PTPRM: variants seen among roughly 807,000 people sequenced by gnomAD.
PTPRM encodes the protein receptor-type tyrosine-protein phosphatase mu.
In PTPRM, 47 loss-of-function variants were observed where a neutral mutation model predicts 186.7. The observed-to-expected ratio is 0.25, with a 90% CI of 0.20 to 0.32. The LOEUF is 0.32. Among genes scored for constraint, PTPRM ranks in the 10% least tolerant of loss-of-function variants. The pLI is 1.00. For missense variants in PTPRM, 1,494 were observed against 1,865.0 expected (o/e 0.80, Z 3.66); for synonymous variants, 668 against 674.9 (o/e 0.99, Z 0.16).
chr18:8,127,459 A>G (rs1334561829), intron 13 of PTPRM, among the ~76,000 whole-genome samples: 1 of 148,442 alleles, frequency 6.7e-6, no homozygotes, highest in African/African-American at 2.5e-5. Flanking sequence ...TATTTGTAAA[A>G]GATAAAATTC....
chr18:8,023,865 C>CGT (rs2085387538), intron 7 of PTPRM, among the ~76,000 whole-genome samples: 1 of 145,220 alleles, frequency 6.9e-6, no homozygotes, highest in African/African-American at 2.5e-5. Context: ...CACACACACA[C>CGT]ACACACGCAC....
chr18:7,681,495 G>A lies in PTPRM; in HGVS notation c.74-92654G>A, dbSNP rs555231647. On this transcript the variant is annotated intron_variant, in intron 1 of 32. Transcript: ENST00000580170. ...GGCCATCAAGTTCTCTCCTCATGAT[G>A]ATGTTTTTAGCATCAGTTCGTTGAT... Among the ~76,000 whole-genome samples the A allele has an allele frequency of 3.3e-4, 50 of 151,872 alleles. 1 individual carries two copies. The highest frequency in any genetic ancestry group is 1.0e-3 in the Admixed American group (16 of 15,270).
rs1285423674 is a variant in PTPRM at position 7,842,910 on chromosome 18, A to ATGTGTGTGTGTG, written c.197-45186_197-45175dup. On this transcript the variant is annotated intron_variant, in intron 2 of 32. Coordinates refer to ENST00000580170, the MANE Select transcript of PTPRM (RefSeq NM_001105244.2). ...GTGTATATATATATATGTTTCTCAT[A>ATGTGTGTGTGTG]TGTGTGTGTGTGTGTGTGTGTATAT... is the stretch of plus-strand genomic sequence containing the variant. Among the ~76,000 whole-genome samples, 5 of 107,028 alleles carry ATGTGTGTGTGTG rather than the reference A, an allele frequency of 4.7e-5. 1 individual carries two copies. The highest frequency in any genetic ancestry group is 2.3e-4 in the African/African-American group (5 of 21,394). 70.2% of individuals were successfully genotyped at this position (107,028 alleles called of 152,430 possible). A position where few individuals can be genotyped will look rare whatever the true frequency, so the allele number is the denominator to read the frequency against.
At chr18:8,034,361 G>C (rs1449150676) in intron 7 of PTPRM, among the ~76,000 whole-genome samples, 1 of 151,978 alleles carries the variant, frequency 6.6e-6, no homozygotes, top group Non-Finnish European at 1.5e-5. Flanking sequence ...CAACTCAAAA[G>C]TACCAAGTTT....
intron 1 of PTPRM, among the ~76,000 whole-genome samples, chr18:7,631,959 G>A (rs917469406): frequency 3.3e-5 from 5 of 152,116 alleles, no homozygotes; most frequent in African/African-American, 1.2e-4. Context: ...ACTCATTCAA[G>A]TTAAAATCAC....
chr18:8,373,471 A>G (rs889063250), intron 24 of PTPRM, among the ~76,000 whole-genome samples: 2 of 152,128 alleles, frequency 1.3e-5, no homozygotes, highest in African/African-American at 4.8e-5. Context: ...GAAGGAAGAC[A>G]CCCCTGAAGT....
At chr18:7,661,191 G>A (rs1426227770) in intron 1 of PTPRM, among the ~76,000 whole-genome samples, 1 of 152,108 alleles carries the variant, frequency 6.6e-6, no homozygotes, top group African/African-American at 2.4e-5. Context: ...CATAAGGAAT[G>A]ATCTTTAGGA....
intron 2 of PTPRM, among the ~76,000 whole-genome samples, chr18:7,828,624 G>A (rs564049645): frequency 2.0e-5 from 3 of 152,234 alleles, no homozygotes; most frequent in African/African-American, 4.8e-5. Context: ...TGAGAGTGGC[G>A]GAAGTGTGCT....
chr18:7,873,131 G>A (rs2048059723), intron 2 of PTPRM, among the ~76,000 whole-genome samples: 1 of 152,078 alleles, frequency 6.6e-6, no homozygotes, highest in Non-Finnish European at 1.5e-5. Context: ...AATAGAATTA[G>A]TTTTGGTTCC....
Position 7,567,558 on chromosome 18 carries a change from C to G in PTPRM, c.-261C>G. The G allele has an allele frequency of 2.7e-6, 1 of 374,750 alleles. No individual in the cohort carries two copies. Among genetic ancestry groups the G allele is most frequent in the Non-Finnish European group, 4.7e-6 (1 of 212,054 alleles). The allele number at this position is 374,750 out of a possible 1,614,324, so 23.2% of individuals were successfully genotyped here. On this transcript the variant is annotated 5_prime_UTR_variant, in exon 1 of 33. Coordinates refer to ENST00000580170, the MANE Select transcript of PTPRM (RefSeq NM_001105244.2). The surrounding 1 kb of genome is among the most constrained non-coding windows in gnomAD (Gnocchi z 4.3). ...AGGGAAGATTTTGGCTCCGCGGGCTCGCCCTCCGCTCCCTCTGCCAGCGGC... is the reference window on the plus strand; with the variant it reads ...AGGGAAGATTTTGGCTCCGCGGGCTGGCCCTCCGCTCCCTCTGCCAGCGGC...
At chr18:8,280,640 C>G (rs2147735900) in intron 19 of PTPRM, among the ~76,000 whole-genome samples, 1 of 152,268 alleles carries the variant, frequency 6.6e-6, no homozygotes, top group African/African-American at 2.4e-5. Context: ...AATTCAGTTC[C>G]TTGGTCATCC....
intron 14 of PTPRM, among the ~76,000 whole-genome samples, chr18:8,164,979 C>A (rs2093298078): frequency 6.6e-6 from 1 of 151,888 alleles, no homozygotes; most frequent in South Asian, 2.1e-4. Flanking sequence ...CCTGGCCATC[C>A]TGGTTGAGTG....
rs147950723 is a variant in PTPRM, at chr18:8,188,924, CAG to C, written c.2300+45146_2300+45147del. Among the ~76,000 whole-genome samples the C allele has an allele frequency of 7.4e-3, 1,120 of 152,310 alleles. 16 individuals are homozygous for C. The highest frequency in any genetic ancestry group is 0.026 in the African/African-American group (1,068 of 41,562). On this transcript the variant is annotated intron_variant, in intron 14 of 32. Coordinates refer to ENST00000580170, the MANE Select transcript of PTPRM (RefSeq NM_001105244.2). ...ATAAGCCACTGGATTATTAAGATAA[CAG>C]TGGCCACATTCAACCAGTTTTTCAG...
intron 2 of PTPRM, among the ~76,000 whole-genome samples, chr18:7,852,303 A>G (rs2046899957): frequency 6.6e-6 from 1 of 152,186 alleles, no homozygotes; most frequent in South Asian, 2.1e-4. Context: ...TCAGCTGGGC[A>G]TGGTAGCTCA....
At chr18:7,592,630 C>G (rs1478569734) in intron 1 of PTPRM, among the ~76,000 whole-genome samples, 2 of 152,210 alleles carry the variant, frequency 1.3e-5, no homozygotes, top group Non-Finnish European at 2.9e-5. Flanking sequence ...TTAACTCTTC[C>G]CTTGCCCAGG....
chr18:7,906,474 T>G (rs1264951949), intron 3 of PTPRM, 31 bp from the exon 4 acceptor site: 1 of 1,527,574 alleles, frequency 6.5e-7, no homozygotes, highest in Admixed American at 1.7e-5. Context: ...ACAAAATGAA[T>G]AAATAATGTA....
At chr18:7,863,345 C>T (rs539294056) in intron 2 of PTPRM, among the ~76,000 whole-genome samples, 7 of 152,180 alleles carry the variant, frequency 4.6e-5, no homozygotes, top group African/African-American at 1.7e-4. Flanking sequence ...TGCTATCCCT[C>T]CCCCAGCCCC....
At chr18:8,327,061 C>G (rs1383760414) in intron 22 of PTPRM, among the ~76,000 whole-genome samples, 1 of 152,190 alleles carries the variant, frequency 6.6e-6, no homozygotes, top group Non-Finnish European at 1.5e-5. Flanking sequence ...TAGCTAGTGA[C>G]ATGAACTTTT....
chr18:7,960,480 T>TATATATATATATATATACACACACACAC (rs1300573371), intron 7 of PTPRM, among the ~76,000 whole-genome samples: 6 of 86,598 alleles, frequency 6.9e-5, no homozygotes, highest in African/African-American at 2.2e-4. Flanking sequence ...TATATATATA[T>TATATATATATATATATACACACACACAC]ACACACACAC....
Sources: allele counts gnomAD v4.1 joint callset (sites outside exome capture counted in the v4.1 genomes callset), GRCh38; gene constraint gnomAD v4.1.1; non-coding constraint Gnocchi (gnomAD v3.1); transcripts MANE v1.5; gene names NCBI Gene and HGNC (gene_info 2026-07-23, HGNC 2026-07-21).